The following AGBL1 variants were observed in gnomAD, a reference collection of about 807,000 sequenced individuals.
AGBL1 encodes AGBL carboxypeptidase 1.
A neutral mutation model predicts 118.9 loss-of-function variants in AGBL1; 130 were observed. That is an observed-to-expected ratio of 1.09 (90% confidence interval 0.95 to 1.26). The LOEUF (loss-of-function observed/expected upper bound fraction) is 1.26. Among genes scored for constraint, AGBL1 ranks in the 50% most tolerant of loss-of-function variants. AGBL1 has a pLI of 0.00. For missense variants in AGBL1, 1,584 were observed against 1,298.1 expected, an observed-to-expected ratio of 1.22 and a Z score of -3.38; for synonymous variants, 555 against 478.9, an observed-to-expected ratio of 1.16 and a Z score of -2.08.
At chr15:86,922,600 T>A (rs565474449) in intron 23 of AGBL1, among the ~76,000 whole-genome samples, 1 of 152,268 alleles carries the variant, frequency 6.6e-6, no homozygotes, top group East Asian at 1.9e-4. Context: ...CCAGAAACAT[T>A]TTAAAAAACT....
At chr15:86,940,804 A>C (rs1239449792) in intron 23 of AGBL1, among the ~76,000 whole-genome samples, 1 of 152,198 alleles carries the variant, frequency 6.6e-6, no homozygotes, top group Admixed American at 6.5e-5. Context: ...GATGTTAGCC[A>C]ATCACTTTTC....
chr15:86,326,363 C>A (rs2080182997), intron 17 of AGBL1, among the ~76,000 whole-genome samples: 1 of 152,146 alleles, frequency 6.6e-6, no homozygotes, highest in Non-Finnish European at 1.5e-5. Context: ...AGTTCCATTA[C>A]ATTCTTTTTT....
chr15:86,629,718 T>C lies in AGBL1; in HGVS notation c.2995-44555T>C, dbSNP rs193172308. Among the ~76,000 whole-genome samples, 137 of 151,822 alleles carry C rather than the reference T, an allele frequency of 9.0e-4. 1 individual carries two copies. The highest frequency in any genetic ancestry group is 6.8e-3 in the Middle Eastern group (2 of 294). On this transcript the variant is annotated intron_variant, in intron 21 of 22. Transcript: ENST00000614907. ...CATTTCTGAATAAATCTAGGCAGCA[T>C]TGAAACAAATGCCAAAGAAACAGGA...
intron 5 of AGBL1, among the ~76,000 whole-genome samples, chr15:86,208,498 C>T (rs1026490510): frequency 6.6e-6 from 1 of 152,090 alleles, no homozygotes; most frequent in Non-Finnish European, 1.5e-5. Context: ...AATTTCAGAG[C>T]CTGTTATTGG....
At chr15:86,113,671 A>C (rs907678697) in intron 1 of AGBL1, among the ~76,000 whole-genome samples, 7 of 152,148 alleles carry the variant, frequency 4.6e-5, no homozygotes, top group Admixed American at 3.3e-4. Flanking sequence ...TAAGCTTCTA[A>C]AAGGCAAGGA....
chr15:86,980,692 A>C (rs1447437906), intron 23 of AGBL1, among the ~76,000 whole-genome samples: 1 of 152,118 alleles, frequency 6.6e-6, no homozygotes, highest in Non-Finnish European at 1.5e-5. Context: ...TATTGACATC[A>C]TACTAAATAG....
chr15:86,925,152 G>A (rs1176035615), intron 23 of AGBL1, among the ~76,000 whole-genome samples: 3 of 22,142 alleles, frequency 1.4e-4, no homozygotes, highest in African/African-American at 1.9e-4. Flanking sequence ...AAGAGGAGGA[G>A]GAGGAGGAGG....
chr15:86,753,577 T>C (rs1450409211), intron 22 of AGBL1, among the ~76,000 whole-genome samples: 1 of 151,958 alleles, frequency 6.6e-6, no homozygotes, highest in Non-Finnish European at 1.5e-5. Flanking sequence ...TTTGTATTTT[T>C]AGTAGAGACG....
intron 22 of AGBL1, among the ~76,000 whole-genome samples, chr15:86,714,758 C>T (rs2142700643): frequency 6.6e-6 from 1 of 152,170 alleles, no homozygotes; most frequent in African/African-American, 2.4e-5. Context: ...TGCTTCTAGG[C>T]TTCATTGCTT....
chr15:86,934,608 A>G (rs1487943759), intron 23 of AGBL1, among the ~76,000 whole-genome samples: 1 of 152,190 alleles, frequency 6.6e-6, no homozygotes, highest in Non-Finnish European at 1.5e-5. Context: ...AATATTTATT[A>G]ACTGCATACT....
chr15:86,624,123 T>C (rs981949656), intron 21 of AGBL1, among the ~76,000 whole-genome samples: 3 of 152,218 alleles, frequency 2.0e-5, no homozygotes, highest in African/African-American at 7.2e-5. Context: ...CATGTGTGAA[T>C]AGCATCATCT....
At chr15:86,695,076 C>T (rs1254406840) in intron 22 of AGBL1, among the ~76,000 whole-genome samples, 1 of 151,730 alleles carries the variant, frequency 6.6e-6, no homozygotes, top group Non-Finnish European at 1.5e-5. Flanking sequence ...ATGTCTTTTC[C>T]CGGTTTGGGC....
intron 18 of AGBL1, among the ~76,000 whole-genome samples, chr15:86,421,058 T>G (rs961031475): frequency 9.2e-5 from 14 of 152,090 alleles, no homozygotes; most frequent in African/African-American, 2.9e-4. Context: ...CCGGGAAAAC[T>G]TCCCCAACCT....
At chr15:86,405,251 C>T (rs2142001671) in intron 18 of AGBL1, among the ~76,000 whole-genome samples, 1 of 151,692 alleles carries the variant, frequency 6.6e-6, no homozygotes, top group East Asian at 2.0e-4. Context: ...GTGGCTCATG[C>T]CTGTAATCCC....
intron 22 of AGBL1, among the ~76,000 whole-genome samples, chr15:86,904,571 TATC>T (rs1002697398): frequency 2.2e-5 from 3 of 137,666 alleles, no homozygotes; most frequent in African/African-American, 7.4e-5. Context: ...CATAATGTAT[TATC>T]ATATCATATA....
intron 24 of AGBL1, among the ~76,000 whole-genome samples, chr15:87,002,216 C>T (rs944785675): frequency 2.0e-5 from 3 of 152,060 alleles, no homozygotes; most frequent in African/African-American, 7.3e-5. Flanking sequence ...GTTTTCCCAG[C>T]ACCATTTATT....
At chr15:86,332,168 G>A (rs1194709095) in intron 17 of AGBL1, among the ~76,000 whole-genome samples, 3 of 152,084 alleles carry the variant, frequency 2.0e-5, no homozygotes, top group Non-Finnish European at 4.4e-5. Flanking sequence ...GGACAAAAAA[G>A]GGCATTATGT....
intron 22 of AGBL1, among the ~76,000 whole-genome samples, chr15:86,803,807 G>T (rs1326826544): frequency 6.6e-6 from 1 of 152,114 alleles, no homozygotes; most frequent in East Asian, 1.9e-4. Flanking sequence ...GAACATTTTG[G>T]GTTGTCACAA....
intron 22 of AGBL1, among the ~76,000 whole-genome samples, chr15:86,869,679 T>C (rs960111767): frequency 1.3e-5 from 2 of 152,098 alleles, no homozygotes; most frequent in African/African-American, 2.4e-5. Flanking sequence ...ATAATAGTAA[T>C]GATAAAATAA....
Sources: allele counts gnomAD v4.1 joint callset (sites outside exome capture counted in the v4.1 genomes callset), GRCh38; gene constraint gnomAD v4.1.1; transcripts MANE v1.5; gene names NCBI Gene and HGNC (gene_info 2026-07-23, HGNC 2026-07-21).